Variants in CBFA2T2 observed in about 807,000 individuals in gnomAD.
CBFA2T2 encodes the protein protein CBFA2T2.
CBFA2T2 carries 11 observed loss-of-function variants against 62.2 expected under a neutral mutation model. The ratio of observed to expected loss-of-function variants is 0.18; its 90% CI spans 0.11 to 0.29. The LOEUF (loss-of-function observed/expected upper bound fraction) is 0.29. Ranked by LOEUF, CBFA2T2 falls within the 10% of genes least tolerant of loss-of-function variation. The pLI, the probability that CBFA2T2 is intolerant of heterozygous loss-of-function variation, is 1.00. For missense variants in CBFA2T2, 592 were observed against 774.1 expected, an observed-to-expected ratio of 0.76 and a Z score of 2.79; for synonymous variants, 295 against 287.5, an observed-to-expected ratio of 1.03 and a Z score of -0.27.
At chr20:33,522,334 A>G (rs80061241) in intron 1 of CBFA2T2, among the ~76,000 whole-genome samples, 3,442 of 147,168 alleles carry the variant, frequency 0.023, 124 homozygotes, top group African/African-American at 0.08. Flanking sequence ...AAATTCAGTG[A>G]TAGTTAACAG....
intron 1 of CBFA2T2, among the ~76,000 whole-genome samples, chr20:33,520,193 A>ACTATT (rs1275759325): frequency 6.6e-6 from 1 of 152,094 alleles, no homozygotes; most frequent in African/African-American, 2.4e-5. Context: ...GGGAGGAAAA[A>ACTATT]CTATTTTGAT....
chr20:33,525,551 T>A (rs972039152), intron 1 of CBFA2T2, among the ~76,000 whole-genome samples: 2 of 152,148 alleles, frequency 1.3e-5, no homozygotes, highest in Non-Finnish European at 2.9e-5. Context: ...TTTATAACCA[T>A]CACTGCACAC....
chr20:33,523,316 G>T (rs1436075903), intron 1 of CBFA2T2, among the ~76,000 whole-genome samples: 1 of 151,954 alleles, frequency 6.6e-6, no homozygotes, highest in Non-Finnish European at 1.5e-5. Context: ...GTCTTGCTGT[G>T]TTGCCCAGGC....
chr20:33,638,126 G>A (rs750873518), intron 9 of CBFA2T2, among the ~76,000 whole-genome samples: 14 of 151,022 alleles, frequency 9.3e-5, no homozygotes, highest in Non-Finnish European at 1.6e-4. Context: ...AGGCACCCCC[G>A]ACCATGCCCG....
In CBFA2T2 at chr20:33,497,582, ACT is replaced by A. The variant is rs552201980; in HGVS notation, c.34+7284_34+7285del. On this transcript the variant is annotated intron_variant, in intron 1 of 10. Transcript: ENST00000342704. ...TTTTTTTTTTTTGAGAAGGGGTCTC[ACT>A]CTGTCGCTAGGCTACAGTGCGGTAG... Among the ~76,000 whole-genome samples, 952 of 124,952 alleles carry A rather than the reference ACT, an allele frequency of 7.6e-3. 17 individuals carry two copies. Among genetic ancestry groups the A allele is most frequent in the African/African-American group, 0.029 (924 of 32,046 alleles). The allele number at this position is 124,952 out of a possible 152,430, so 82.0% of individuals were successfully genotyped here. A position where few individuals can be genotyped will look rare whatever the true frequency, so the allele number is the denominator to read the frequency against.
rs1437799369 is a variant in CBFA2T2, at chr20:33,510,880, T to TGACC, written c.34+20580_34+20583dup. Among the ~76,000 whole-genome samples, 5 of 152,370 alleles carry TGACC rather than the reference T, an allele frequency of 3.3e-5. No homozygotes were observed. In the East Asian group the frequency reaches 9.6e-4, roughly 29 times the overall value. ...GTGGTTTTGTTTTGCATTTCTCTGA[T>TGACC]GACCAGTGTTGATGAGCATTTTTTA... On this transcript the variant is annotated intron_variant, in intron 1 of 10. Transcript: ENST00000342704.
chr20:33,623,808 C>T lies in CBFA2T2; in HGVS notation c.692+512C>T, dbSNP rs750213314. On this transcript the variant is annotated intron_variant, in intron 5 of 10. Coordinates refer to ENST00000342704, the MANE Select transcript of CBFA2T2 (RefSeq NM_001032999.3). ...CATCTAAAATCTATGGGAGTAGCTTCCAGACATGAGTATTTTTCGGGAACT... is the reference window on the plus strand; with the variant it reads ...CATCTAAAATCTATGGGAGTAGCTTTCAGACATGAGTATTTTTCGGGAACT... 2.5e-5 allele frequency: 18 copies of T among 716,578 alleles called. No individual in the cohort carries two copies. In the African/African-American group the frequency reaches 3.0e-4, roughly 12 times the overall value. 44.4% of individuals were successfully genotyped at this position (716,578 alleles called of 1,614,324 possible). A position where few individuals can be genotyped will look rare whatever the true frequency, so the allele number is the denominator to read the frequency against.
chr20:33,644,433 G>C lies in CBFA2T2; in HGVS notation c.1575G>C (p.Lys525Asn). 6.2e-7 allele frequency: 1 copy of C among 1,614,196 alleles called. No homozygotes were observed. Among genetic ancestry groups the C allele is most frequent in the Non-Finnish European group, 8.5e-7 (1 of 1,180,036 alleles). ...ACTGTGGCTCTTTCTGCCAGCACAA[G>C]GACTGGGAGCGGCACCACCGCCTCT... ...ARYCGSFCQH[K>N]DWERHHRLCG... is the part of the protein sequence containing the mutation. The change falls in exon 11 of 11, where the codon AAG becomes AAC. Residue 525 changes from lysine to asparagine, a missense_variant. Physicochemically the swap from Lys to Asn is moderately conservative, Grantham distance 94 (BLOSUM62 0). Coordinates refer to ENST00000342704, the MANE Select transcript of CBFA2T2 (RefSeq NM_001032999.3).
rs1184672288 is a variant in CBFA2T2 at position 33,644,582 on chromosome 20, C to G, written c.1724C>G (p.Ser575Trp). ...SVPSPALDKT[S>W]ATTSRSSTPA... ...CCCAGCCCAGCCCTCGACAAGACCTCGGCAACCACATCGCGTTCCTCAACA... is the reference window on the plus strand; with the variant it reads ...CCCAGCCCAGCCCTCGACAAGACCTGGGCAACCACATCGCGTTCCTCAACA... Residue 575 changes from serine (S) to tryptophan (W), a missense_variant, in exon 11 of 11, where the codon TCG (serine) becomes TGG (tryptophan). This residue lies in a region of CBFA2T2 where 85 missense variants were observed against 99.0 expected (regional missense o/e 0.86). Transcript: ENST00000342704. 2 of 1,613,106 alleles carry G rather than the reference C, an allele frequency of 1.2e-6. No individual in the cohort carries two copies. The highest frequency in any genetic ancestry group is 1.1e-5 in the South Asian group (1 of 91,050).
chr20:33,546,871 GT>G (rs1469795486), intron 1 of CBFA2T2, among the ~76,000 whole-genome samples: 1 of 151,986 alleles, frequency 6.6e-6, no homozygotes, highest in Non-Finnish European at 1.5e-5. Context: ...TTACCTCTCT[GT>G]TTAGTTTCAT....
chr20:33,590,873 G>C (rs1326121249), intron 1 of CBFA2T2, among the ~76,000 whole-genome samples: 1 of 151,970 alleles, frequency 6.6e-6, no homozygotes, highest in Non-Finnish European at 1.5e-5. Context: ...TGGAACCCAG[G>C]CTCTTTTAAA....
intron 1 of CBFA2T2, among the ~76,000 whole-genome samples, chr20:33,537,159 C>T (rs1400620816): frequency 3.9e-5 from 6 of 152,202 alleles, no homozygotes; most frequent in African/African-American, 7.2e-5. Context: ...GAGGTTGTAG[C>T]GAGCCGAGAT....
At chr20:33,534,098 G>T (rs1019544786) in intron 1 of CBFA2T2, among the ~76,000 whole-genome samples, 3 of 152,108 alleles carry the variant, frequency 2.0e-5, no homozygotes, top group Non-Finnish European at 2.9e-5. Flanking sequence ...CAGACAAAGT[G>T]TTGGGATTAC....
At chr20:33,545,901 A>G (rs1165097761) in intron 1 of CBFA2T2, among the ~76,000 whole-genome samples, 2 of 152,262 alleles carry the variant, frequency 1.3e-5, no homozygotes, top group Non-Finnish European at 2.9e-5. Flanking sequence ...ATTGATGCCA[A>G]CTGAGGAAAT....
chr20:33,546,447 G>A (rs1282823805), intron 1 of CBFA2T2, among the ~76,000 whole-genome samples: 1 of 118,492 alleles, frequency 8.4e-6, no homozygotes, highest in African/African-American at 3.2e-5. Flanking sequence ...TTTTTTTCTT[G>A]GAGACACACT....
chr20:33,624,429 T>G (rs1317380525), intron 5 of CBFA2T2, among the ~76,000 whole-genome samples: 1 of 152,038 alleles, frequency 6.6e-6, no homozygotes, highest in African/African-American at 2.4e-5. Flanking sequence ...CAGTAACAAA[T>G]TTGACCTTAA....
chr20:33,618,096 C>T (rs559763015), intron 3 of CBFA2T2, among the ~76,000 whole-genome samples: 29 of 152,092 alleles, frequency 1.9e-4, no homozygotes, highest in Admixed American at 1.5e-3. Flanking sequence ...TGCTCTACCC[C>T]CTCCCTGCAT....
intron 8 of CBFA2T2, among the ~76,000 whole-genome samples, chr20:33,630,752 C>T (rs929294394): frequency 7.2e-5 from 11 of 152,202 alleles, no homozygotes; most frequent in Admixed American, 1.3e-4. Context: ...CAAATGTTCA[C>T]CACGAAGAAC....
intron 3 of CBFA2T2, among the ~76,000 whole-genome samples, chr20:33,612,420 T>C (rs2015564367): frequency 6.6e-6 from 1 of 152,212 alleles, no homozygotes; most frequent in South Asian, 2.1e-4. Context: ...AGTGTAAATC[T>C]AGGGACCCTG....
Sources: allele counts gnomAD v4.1 joint callset (sites outside exome capture counted in the v4.1 genomes callset), GRCh38; gene constraint gnomAD v4.1.1; regional missense constraint gnomAD v4.1.1; transcripts MANE v1.5; gene names NCBI Gene and HGNC (gene_info 2026-07-23, HGNC 2026-07-21).